The following LGR4 variants were observed in gnomAD, a reference collection of about 807,000 sequenced individuals.
LGR4 encodes the protein leucine rich repeat containing G protein-coupled receptor 4.
LGR4 carries 44 observed loss-of-function variants against 84.8 expected under a neutral mutation model. The observed-to-expected ratio is 0.52, with a 90% confidence interval of 0.41 to 0.67. LGR4 has a LOEUF of 0.67. LGR4 is among the 30% of genes least tolerant of loss of function. LGR4 has a pLI of 0.00. For missense variants in LGR4, 1,032 were observed against 1,131.4 expected (o/e 0.91, Z 1.26); for synonymous variants, 429 against 434.3 (o/e 0.99, Z 0.15).
intron 2 of LGR4, among the ~76,000 whole-genome samples, chr11:27,394,395 T>C (rs1397692493): frequency 2.0e-5 from 3 of 152,126 alleles, no homozygotes; most frequent in Non-Finnish European, 4.4e-5. Context: ...TTTTACTTAC[T>C]TATTTATTTT....
At chr11:27,372,051 G>T (rs892773665) in intron 16 of LGR4, among the ~76,000 whole-genome samples, 1 of 152,066 alleles carries the variant, frequency 6.6e-6, no homozygotes, top group Non-Finnish European at 1.5e-5. Context: ...TTTTTATATA[G>T]AGAGAGTCTC....
At chr11:27,379,915 C>G (rs992867943) in intron 10 of LGR4, among the ~76,000 whole-genome samples, 2 of 152,204 alleles carry the variant, frequency 1.3e-5, no homozygotes, top group Admixed American at 6.5e-5. Flanking sequence ...ATTAAACACT[C>G]AGCTCTGGGA....
intron 2 of LGR4, among the ~76,000 whole-genome samples, chr11:27,398,494 G>A (rs935951846): frequency 2.0e-5 from 3 of 152,152 alleles, no homozygotes; most frequent in Non-Finnish European, 4.4e-5. Flanking sequence ...AAGAATTAGT[G>A]GAGTAAGAAA....
At chr11:27,424,743 T>A (rs1367458620) in intron 1 of LGR4, among the ~76,000 whole-genome samples, 1 of 152,072 alleles carries the variant, frequency 6.6e-6, no homozygotes, top group East Asian at 1.9e-4. Flanking sequence ...AAGATTAGGT[T>A]TTTTGTCTGT....
chr11:27,426,543 C>A (rs1169368394), intron 1 of LGR4, among the ~76,000 whole-genome samples: 2 of 152,146 alleles, frequency 1.3e-5, no homozygotes, highest in African/African-American at 4.8e-5. Flanking sequence ...AGTTGTATAA[C>A]CCTGGGCAAG....
At chr11:27,428,477 G>A (rs1864062676) in intron 1 of LGR4, among the ~76,000 whole-genome samples, 1 of 152,204 alleles carries the variant, frequency 6.6e-6, no homozygotes, top group Non-Finnish European at 1.5e-5. Flanking sequence ...GATTATGTTA[G>A]TATCTTGTGA....
intron 7 of LGR4, 52 bp from the exon 8 acceptor site, chr11:27,381,018 A>G (rs1478691870): frequency 2.1e-6 from 2 of 971,018 alleles, no homozygotes. Context: ...CTTGCGAAAT[A>G]AAACCCAAGT....
In LGR4 at chr11:27,402,339, C is replaced by T. The variant is rs570125103; in HGVS notation, c.258-9821G>A. ...GATGACCCTTTTCTCCTTCTAGGTG[C>T]TTTCCTGTCTGAATATTCTATGTGG... On this transcript the variant is annotated intron_variant, in intron 2 of 17. Transcript: ENST00000379214. 1.1e-4 allele frequency among the ~76,000 whole-genome samples: 16 copies of T among 152,240 alleles called. No homozygotes were observed. In the East Asian group the frequency reaches 2.9e-3, roughly 28 times the overall value.
intron 1 of LGR4, among the ~76,000 whole-genome samples, chr11:27,425,396 T>G (rs962311341): frequency 8.0e-5 from 12 of 150,454 alleles, no homozygotes; most frequent in Non-Finnish European, 1.6e-4. Context: ...TGTGGCACAA[T>G]CAGAGCTCAC....
rs146496220 is a variant in LGR4, at chr11:27,449,412, G to A, written c.185+22706C>T. 5.6e-3 allele frequency among the ~76,000 whole-genome samples: 852 copies of A among 152,134 alleles called. 13 individuals carry two copies. Among genetic ancestry groups the A allele is most frequent in the African/African-American group, 0.02 (810 of 41,514 alleles). On this transcript the variant is annotated intron_variant, in intron 1 of 17. Transcript: ENST00000379214. Reference sequence around the variant, plus strand: ...AGCCTGGGCAACACAGCGAGACACTGTCTCTACAAAAAATAAAAAATTAGC... The same window carrying A: ...AGCCTGGGCAACACAGCGAGACACTATCTCTACAAAAAATAAAAAATTAGC...
At chr11:27,450,233 T>C (rs907022485) in intron 1 of LGR4, among the ~76,000 whole-genome samples, 5 of 152,200 alleles carry the variant, frequency 3.3e-5, no homozygotes, top group Non-Finnish European at 7.4e-5. Flanking sequence ...CTTAAAACTA[T>C]GCTACCAAAA....
chr11:27,378,311 C>A (rs1365726119), intron 11 of LGR4, among the ~76,000 whole-genome samples: 1 of 152,108 alleles, frequency 6.6e-6, no homozygotes, highest in Non-Finnish European at 1.5e-5. Flanking sequence ...TAGAAAGCGA[C>A]AAGCTTTAGT....
At chr11:27,391,048 G>T (rs1718164397) in intron 4 of LGR4, 46 bp downstream of exon 4, 1 of 1,045,722 alleles carries the variant, frequency 9.6e-7, no homozygotes, top group Non-Finnish European at 1.5e-6. Flanking sequence ...ATCTTTAACA[G>T]CCAGAGTAGT....
At chr11:27,461,836 A>ATTTTTTTTTTTTTTTTTT (rs35205372) in intron 1 of LGR4, among the ~76,000 whole-genome samples, 2 of 76,558 alleles carry the variant, frequency 2.6e-5, no homozygotes, top group African/African-American at 5.2e-5. Flanking sequence ...TTGAGTTAGG[A>ATTTTTTTTTTTTTTTTTT]TTTTTTTTTT....
At position 27,367,962 on chromosome 11, in the gene LGR4, C is replaced by A; in HGVS notation, c.2761G>T (p.Asp921Tyr). The A allele has an allele frequency of 6.2e-7, 1 of 1,614,090 alleles. No individual in the cohort carries two copies. Among genetic ancestry groups the A allele is most frequent in the South Asian group, 1.1e-5 (1 of 91,036 alleles). Residue 921 changes from aspartate to tyrosine, a missense_variant, in exon 18 of 18, where the codon GAC (aspartate) becomes TAC (tyrosine). Coordinates refer to ENST00000379214, the MANE Select transcript of LGR4 (RefSeq NM_018490.5). ...EEDSFVSDSS[D>Y]QVQACGRACF... The stretch of plus-strand genomic sequence containing the variant: ...GCTCGTCCACAGGCCTGCACCTGGT[C>A]AGAACTGTCTGAGACAAAGGAATCT...
chr11:27,407,301 T>C (rs1863629583), intron 2 of LGR4, among the ~76,000 whole-genome samples: 2 of 152,142 alleles, frequency 1.3e-5, no homozygotes, highest in African/African-American at 4.8e-5. Context: ...AGTGACTGGA[T>C]GGTCCCTTTA....
At chr11:27,384,053 C>G (rs1247907134) in intron 6 of LGR4, among the ~76,000 whole-genome samples, 1 of 152,138 alleles carries the variant, frequency 6.6e-6, no homozygotes, top group Non-Finnish European at 1.5e-5. Flanking sequence ...ATACATTTAA[C>G]AAAACCAACA....
intron 1 of LGR4, among the ~76,000 whole-genome samples, chr11:27,466,695 G>A (rs2133460994): frequency 6.6e-6 from 1 of 152,330 alleles, no homozygotes; most frequent in African/African-American, 2.4e-5. Context: ...ATAACCGGCA[G>A]AGCATTTAGT....
At chr11:27,388,268 C>T (rs894185717) in intron 4 of LGR4, among the ~76,000 whole-genome samples, 1 of 152,098 alleles carries the variant, frequency 6.6e-6, no homozygotes, top group Non-Finnish European at 1.5e-5. Flanking sequence ...AGAGTATGTA[C>T]TTATACTGAG....
Sources: allele counts gnomAD v4.1 joint callset (sites outside exome capture counted in the v4.1 genomes callset), GRCh38; gene constraint gnomAD v4.1.1; transcripts MANE v1.5; gene names NCBI Gene and HGNC (gene_info 2026-07-23, HGNC 2026-07-21).